The following VGLL4 variants were observed in gnomAD, a reference collection of about 807,000 sequenced individuals.
VGLL4 encodes transcription cofactor vestigial-like protein 4.
Under a neutral mutation model 21.0 loss-of-function variants are expected in VGLL4, and 7 were observed. That is an observed-to-expected ratio of 0.33 (90% CI 0.19 to 0.63). The LOEUF (loss-of-function observed/expected upper bound fraction) is 0.63, where lower values mean the gene tolerates loss of function less well. Among genes scored for constraint, VGLL4 ranks in the 20% least tolerant of loss-of-function variants. The probability of loss-of-function intolerance (pLI) is 0.78; values close to 1 mark genes in which losing one functional copy is unlikely to be tolerated. For missense variants in VGLL4, 394 were observed against 425.7 expected (o/e 0.93, Z 0.66); for synonymous variants, 222 against 173.2 (o/e 1.28, Z -2.21).
At chr3:11,601,760 G>C in intron 2 of VGLL4, 73 bp downstream of exon 2, 1 of 1,504,718 alleles carries the variant, frequency 6.6e-7, no homozygotes, top group South Asian at 1.2e-5. Flanking sequence ...ATCAGAATTA[G>C]CACAAAGTTG....
chr3:11,647,989 T>TATA (rs33947877), upstream of VGLL4, among the ~76,000 whole-genome samples: 6 of 147,402 alleles, frequency 4.1e-5, no homozygotes, highest in East Asian at 1.2e-3. Context: ...AGCTCATCCA[T>TATA]AAAAAAAAAA....
intron 2 of VGLL4, among the ~76,000 whole-genome samples, chr3:11,689,217 T>C (rs993830409): frequency 2.6e-5 from 4 of 152,200 alleles, no homozygotes; most frequent in African/African-American, 9.6e-5. Context: ...CCCATTTTTC[T>C]AATAAATGCA....
At chr3:11,630,166 AC>A (rs1198735009) in intron 1 of VGLL4, among the ~76,000 whole-genome samples, 1 of 152,234 alleles carries the variant, frequency 6.6e-6, no homozygotes, top group African/African-American at 2.4e-5. Flanking sequence ...TCTAATTTAG[AC>A]AATAAACTTG....
At chr3:11,584,632 A>G (rs1374277069) in intron 2 of VGLL4, among the ~76,000 whole-genome samples, 1 of 152,238 alleles carries the variant, frequency 6.6e-6, no homozygotes, top group African/African-American at 2.4e-5. Flanking sequence ...TGCAAATGAC[A>G]GTAAAACAAT....
At chr3:11,594,550 C>T (rs1436001197) in intron 2 of VGLL4, among the ~76,000 whole-genome samples, 2 of 152,220 alleles carry the variant, frequency 1.3e-5, no homozygotes, top group African/African-American at 4.8e-5. Context: ...CATTTCAGCA[C>T]AGAGCCCTCT....
chr3:11,560,385 A>G (rs1022384203), intron 3 of VGLL4, among the ~76,000 whole-genome samples: 2 of 152,222 alleles, frequency 1.3e-5, no homozygotes, highest in African/African-American at 4.8e-5. Flanking sequence ...ATGTGGGCTA[A>G]GTTCCAGGAC....
At chr3:11,648,707 A>C (rs2075828382), upstream of VGLL4, among the ~76,000 whole-genome samples, 1 of 152,358 alleles carries the variant, frequency 6.6e-6, no homozygotes, top group Admixed American at 6.5e-5. Flanking sequence ...CAAAGGAAAA[A>C]ATTGAAAAAC....
chr3:11,698,697 T>C (rs138198357), intron 2 of VGLL4, among the ~76,000 whole-genome samples: 34 of 152,330 alleles, frequency 2.2e-4, no homozygotes, highest in African/African-American at 8.2e-4. Flanking sequence ...TTATTTTAAG[T>C]AAATTTATCC....
At chr3:11,582,271 G>C in intron 2 of VGLL4, 1 of 1,605,912 alleles carries the variant, frequency 6.2e-7, no homozygotes, top group Non-Finnish European at 8.5e-7. Context: ...AAATGAAAGG[G>C]TTCTTGGTAC....
chr3:11,711,792 A>C (rs986438411), intron 1 of VGLL4, among the ~76,000 whole-genome samples: 2 of 152,192 alleles, frequency 1.3e-5, no homozygotes, highest in African/African-American at 2.4e-5. Context: ...TAGACGTTAC[A>C]AAAAAGGAAA....
At chr3:11,673,978 C>A (rs987046370) in intron 2 of VGLL4, among the ~76,000 whole-genome samples, 2 of 134,710 alleles carry the variant, frequency 1.5e-5, no homozygotes, top group African/African-American at 5.7e-5. Context: ...CGCCACTGCA[C>A]TCCAGCCTGG....
At chr3:11,693,316 C>T (rs1465749239) in intron 2 of VGLL4, among the ~76,000 whole-genome samples, 1 of 152,038 alleles carries the variant, frequency 6.6e-6, no homozygotes, top group Non-Finnish European at 1.5e-5. Flanking sequence ...AAATTAATTC[C>T]TTAGAGATAA....
chr3:11,561,408 A>G (rs2072987804), intron 3 of VGLL4, among the ~76,000 whole-genome samples: 1 of 152,144 alleles, frequency 6.6e-6, no homozygotes, highest in African/African-American at 2.4e-5. Flanking sequence ...TCCTGACCTG[A>G]GCTGGGGCGA....
intron 1 of VGLL4, among the ~76,000 whole-genome samples, chr3:11,715,867 C>T (rs1204809593): frequency 2.0e-5 from 3 of 152,068 alleles, no homozygotes; most frequent in Non-Finnish European, 2.9e-5. Context: ...CCAACAGCAC[C>T]GTAACTCAAG....
intron 1 of VGLL4, among the ~76,000 whole-genome samples, chr3:11,716,966 A>G (rs935637202): frequency 7.2e-5 from 11 of 152,158 alleles, no homozygotes; most frequent in African/African-American, 2.6e-4. Flanking sequence ...AAATTTCTTA[A>G]CTCACACACA....
chr3:11,677,986 T>C lies in VGLL4; in HGVS notation c.64+24985A>G, dbSNP rs139412763. Among the ~76,000 whole-genome samples, 16 of 151,836 alleles carry C rather than the reference T, an allele frequency of 1.1e-4. No individual in the cohort carries two copies. In the East Asian group the frequency reaches 3.1e-3, roughly 29 times the overall value. ...TTGCTTTACAGTCTAAATGAATAACTTCTGGGCTAGCTTCAACGGACGCCA... is the reference window on the plus strand; with the variant it reads ...TTGCTTTACAGTCTAAATGAATAACCTCTGGGCTAGCTTCAACGGACGCCA... On this transcript the variant is annotated intron_variant, in intron 2 of 5. Transcript: ENST00000273038.
intron 1 of VGLL4, among the ~76,000 whole-genome samples, chr3:11,606,565 T>C (rs1365350010): frequency 2.0e-5 from 3 of 152,102 alleles, no homozygotes; most frequent in South Asian, 2.1e-4. Context: ...TACAAGAGGA[T>C]TGTAAAATGC....
At position 11,558,768 on chromosome 3, in the gene VGLL4, A is replaced by T; in HGVS notation, c.679T>A (p.Tyr227Asn). Residue 227 changes from tyrosine to asparagine, a missense_variant, in exon 5 of 5, where the codon TAC (tyrosine) becomes AAC (asparagine). By Grantham distance (143) the Tyr-to-Asn change is moderately radical (BLOSUM62 -2). Transcript: ENST00000430365. Reference sequence around the variant, plus strand: ...TTGGGTGCCGGCTCGGGCTCCTTGTAATTCTTGCCCAGGCTCCTGCGGAAA... The same window carrying T: ...TTGGGTGCCGGCTCGGGCTCCTTGTTATTCTTGCCCAGGCTCCTGCGGAAA... The part of the protein sequence containing the change: ...EHFRRSLGKN[Y>N]KEPEPAPNSV... 6.2e-7 allele frequency: 1 copy of T among 1,614,030 alleles called. No homozygotes were observed. Among genetic ancestry groups the T allele is most frequent in the Non-Finnish European group, 8.5e-7 (1 of 1,180,014 alleles).
At chr3:11,643,988 C>A (rs2075747245), upstream of VGLL4, 4 of 989,558 alleles carry the variant, frequency 4.0e-6, no homozygotes, top group East Asian at 1.1e-4. Flanking sequence ...GCCGCGCTGC[C>A]GAGGCAGGGA....
Sources: gnomAD v4.1 joint callset for allele counts (sites outside exome capture counted in the v4.1 genomes callset) on GRCh38, gnomAD v4.1.1 for gene constraint, MANE v1.5 for transcripts, NCBI Gene and HGNC (gene_info 2026-07-23, HGNC 2026-07-21) for gene names.